Variants in ANKRD22 observed in about 807,000 individuals in gnomAD.
ANKRD22 encodes ankyrin repeat domain 22.
In ANKRD22, 24 loss-of-function variants were observed where a neutral mutation model predicts 25.7. The observed-to-expected ratio is 0.93, with a 90% confidence interval of 0.68 to 1.31. ANKRD22 has a LOEUF of 1.31. ANKRD22 is among the 50% of genes most tolerant of loss of function. The pLI, the probability that ANKRD22 is intolerant of heterozygous loss-of-function variation, is 0.00. For missense variants in ANKRD22, 214 were observed against 227.1 expected (o/e 0.94, Z 0.37); for synonymous variants, 84 against 84.3 (o/e 1.00, Z 0.02).
Position 88,823,359 on chromosome 10 carries a change from T to G in ANKRD22, c.419A>C (p.His140Pro). The change falls in exon 5 of 6, where the codon CAT becomes CCT. Residue 140 changes from histidine to proline, a missense_variant. Coordinates refer to ENST00000371930, the MANE Select transcript of ANKRD22 (RefSeq NM_144590.3). ...CTGGTTTTTCATTTCACAGGCATAA[T>G]GTAATGCGGTACAGCCATACTGAAA... ...ATDCYGCTAL[H>P]YACEMKNQSL... The G allele has an allele frequency of 6.2e-7, 1 of 1,614,056 alleles. No individual in the cohort carries two copies.
At chr10:88,838,739 T>TAA (rs1261061427) in intron 1 of ANKRD22, among the ~76,000 whole-genome samples, 1 of 152,062 alleles carries the variant, frequency 6.6e-6, no homozygotes, top group Non-Finnish European at 1.5e-5. Flanking sequence ...GAAAGGGCCA[T>TAA]AAGCAGAGAT....
chr10:88,832,914 T>C (rs969441957), intron 1 of ANKRD22, among the ~76,000 whole-genome samples: 3 of 152,182 alleles, frequency 2.0e-5, no homozygotes, highest in Non-Finnish European at 2.9e-5. Flanking sequence ...CTGAATACTC[T>C]CTCTGCATAA....
At chr10:88,824,067 C>T (rs10788616) in intron 4 of ANKRD22, among the ~76,000 whole-genome samples, 48,822 of 151,870 alleles carry the variant, frequency 0.32, 9,204 homozygotes, top group East Asian at 0.61. Flanking sequence ...TTTACATAAA[C>T]ATTATCCTCT....
rs1491462149 is a variant in ANKRD22 at position 88,822,543 on chromosome 10, G to GTTTT, written c.*397_*398insAAAA. The GTTTT allele has an allele frequency of 5.1e-5, 1 of 19,726 alleles. No individual in the cohort carries two copies. The highest frequency in any genetic ancestry group is 3.5e-4 in the African/African-American group (1 of 2,856). 1.2% of individuals were successfully genotyped at this position (19,726 alleles called of 1,614,324 possible). ...GAAAGACTGAGTTTGGAACACCAGGGCTTTTTTTTTTTTTTTTTTTTTTGA... is the reference window on the plus strand; with the variant it reads ...GAAAGACTGAGTTTGGAACACCAGGGTTTTCTTTTTTTTTTTTTTTTTTTTTTGA... On this transcript the variant is annotated 3_prime_UTR_variant, in exon 6 of 6. Coordinates refer to ENST00000371930, the MANE Select transcript of ANKRD22 (RefSeq NM_144590.3).
chr10:88,843,026 G>A (rs1844016254), intron 1 of ANKRD22, among the ~76,000 whole-genome samples: 1 of 151,972 alleles, frequency 6.6e-6, no homozygotes, highest in African/African-American at 2.4e-5. Flanking sequence ...ATGACTTTCT[G>A]ATTTTATGTC....
chr10:88,837,009 G>A (rs928762571), intron 1 of ANKRD22, among the ~76,000 whole-genome samples: 21 of 152,280 alleles, frequency 1.4e-4, no homozygotes, highest in Admixed American at 9.2e-4. Flanking sequence ...GAGAGGAATT[G>A]TAGTCAGTTT....
In ANKRD22 at chr10:88,824,985, GCTCT is replaced by G. The variant is rs142353847; in HGVS notation, c.399+1049_399+1052del. Among the ~76,000 whole-genome samples, 585 of 141,348 alleles carry G rather than the reference GCTCT, an allele frequency of 4.1e-3. 8 individuals are homozygous for G. The highest frequency in any genetic ancestry group is 0.014 in the African/African-American group (524 of 37,668). The allele number at this position is 141,348 out of a possible 152,430, so 92.7% of individuals were successfully genotyped here. A position where few individuals can be genotyped will look rare whatever the true frequency, so the allele number is the denominator to read the frequency against. The stretch of plus-strand genomic sequence containing the variant: ...AAATTTCATAAAGTTATTTTCTTTT[GCTCT>G]CTCTCTCTCTCTCTCTCTCTCTCAC... On this transcript the variant is annotated intron_variant, in intron 4 of 5. Coordinates refer to ENST00000371930, the MANE Select transcript of ANKRD22 (RefSeq NM_144590.3).
rs772534990 is a variant in ANKRD22 at position 88,821,382 on chromosome 10, T to G, written c.*1559A>C. Among the ~76,000 whole-genome samples the G allele has an allele frequency of 1.3e-5, 2 of 152,258 alleles. No individual in the cohort carries two copies. Among genetic ancestry groups the G allele is most frequent in the Non-Finnish European group, 2.9e-5 (2 of 68,038 alleles). On this transcript the variant is annotated 3_prime_UTR_variant, in exon 6 of 6. Transcript: ENST00000371930. ...ACCATGATTTATTTCTTCAGAAAAT[T>G]ATTCCACTTTTACACAATTTCAAAG...
chr10:88,846,586 C>T (rs1214567), intron 1 of ANKRD22, among the ~76,000 whole-genome samples: 62,620 of 152,012 alleles, frequency 0.41, 14,006 homozygotes, highest in African/African-American at 0.6. Context: ...AAAACAATCA[C>T]AAAAGATGTC....
intron 1 of ANKRD22, among the ~76,000 whole-genome samples, chr10:88,847,376 A>G (rs540304156): frequency 1.3e-5 from 2 of 152,214 alleles, no homozygotes; most frequent in Non-Finnish European, 2.9e-5. Context: ...TTCCTGCCTC[A>G]GCCTCCCAAG....
intron 1 of ANKRD22, among the ~76,000 whole-genome samples, chr10:88,847,913 G>C (rs1471494654): frequency 6.6e-6 from 1 of 151,786 alleles, no homozygotes; most frequent in Non-Finnish European, 1.5e-5. Flanking sequence ...TGCTTTCATG[G>C]GAAAAACTGG....
At chr10:88,845,454 G>C (rs1158814346) in intron 1 of ANKRD22, among the ~76,000 whole-genome samples, 1 of 151,966 alleles carries the variant, frequency 6.6e-6, no homozygotes. Context: ...TACATTTCCT[G>C]TATTCATCTT....
chr10:88,828,741 A>C, intron 2 of ANKRD22, 75 bp from the exon 3 acceptor site: 1 of 1,157,412 alleles, frequency 8.6e-7, no homozygotes. Flanking sequence ...CATCTCAAAA[A>C]GTTTAGTTTG....
chr10:88,848,207 T>C (rs934587360), intron 1 of ANKRD22, among the ~76,000 whole-genome samples: 2 of 148,042 alleles, frequency 1.4e-5, no homozygotes, highest in Admixed American at 6.8e-5. Context: ...TATATACATA[T>C]ATATATACAT....
At position 88,851,800 on chromosome 10, in the gene ANKRD22, C is replaced by T. The variant is rs1193403597; in HGVS notation, c.-193G>A. On this transcript the variant is annotated 5_prime_UTR_variant, in exon 1 of 6. Transcript: ENST00000371930. ...AGCAGCTCAGGCAGCAGCACACCTT[C>T]CAGAGAGCCCAGCCCAATGAAACAA... The T allele has an allele frequency of 1.7e-6, 1 of 605,882 alleles. No individual in the cohort carries two copies. The highest frequency in any genetic ancestry group is 3.0e-6 in the Non-Finnish European group (1 of 336,302). 37.5% of individuals were successfully genotyped at this position (605,882 alleles called of 1,614,324 possible). A position where few individuals can be genotyped will look rare whatever the true frequency, so the allele number is the denominator to read the frequency against.
chr10:88,820,448 ATGCAGCAG>A lies in ANKRD22; in HGVS notation c.*2485_*2492del, dbSNP rs1428375634. The A allele has an allele frequency of 6.4e-7, 1 of 1,551,950 alleles. No individual in the cohort carries two copies. The highest frequency in any genetic ancestry group is 2.4e-5 in the East Asian group (1 of 40,918). ...TATGTACAATGAAATCATCCATCTGATGCAGCAGGAGGAGACCAACCTTTCCCAGGGAC... is the reference window on the plus strand; with the variant it reads ...TATGTACAATGAAATCATCCATCTGAGAGGAGACCAACCTTTCCCAGGGAC... On this transcript the variant is annotated 3_prime_UTR_variant, in exon 6 of 6. Transcript: ENST00000371930.
intron 2 of ANKRD22, 107 bp from the exon 3 acceptor site, chr10:88,828,773 C>A: frequency 1.3e-6 from 1 of 767,470 alleles, no homozygotes; most frequent in Non-Finnish European, 2.1e-6. Flanking sequence ...TTTCCGGTAC[C>A]CATGGCATCT....
At chr10:88,848,544 C>T (rs1471199929) in intron 1 of ANKRD22, among the ~76,000 whole-genome samples, 1 of 152,110 alleles carries the variant, frequency 6.6e-6, no homozygotes, top group Non-Finnish European at 1.5e-5. Context: ...ATGGAGAGAG[C>T]TGGGAAGATT....
At chr10:88,836,913 A>G (rs2133076824) in intron 1 of ANKRD22, among the ~76,000 whole-genome samples, 1 of 152,362 alleles carries the variant, frequency 6.6e-6, no homozygotes, top group South Asian at 2.1e-4. Flanking sequence ...AGCCATGCAG[A>G]GGCCAATTTT....
Sources: gnomAD v4.1 joint callset for allele counts (sites outside exome capture counted in the v4.1 genomes callset) on GRCh38, gnomAD v4.1.1 for gene constraint, MANE v1.5 for transcripts, NCBI Gene and HGNC (gene_info 2026-07-23, HGNC 2026-07-21) for gene names.